The following ROBO2 variants were observed in gnomAD, a reference collection of about 807,000 sequenced individuals.
The protein encoded by ROBO2 is roundabout guidance receptor 2.
Under a neutral mutation model 160.8 loss-of-function variants are expected in ROBO2, and 53 were observed. The ratio of observed to expected loss-of-function variants is 0.33; its 90% CI spans 0.26 to 0.41. The LOEUF (loss-of-function observed/expected upper bound fraction) is 0.41, where lower values mean the gene tolerates loss of function less well. ROBO2 is among the 10% of genes least tolerant of loss of function. The pLI, the probability that ROBO2 is intolerant of heterozygous loss-of-function variation, is 1.00. For missense variants in ROBO2, 1,577 were observed against 1,722.4 expected, an observed-to-expected ratio of 0.92 and a Z score of 1.49; for synonymous variants, 664 against 611.7, an observed-to-expected ratio of 1.09 and a Z score of -1.26.
chr3:76,444,304 G>C (rs1577230216), intron 2 of ROBO2, among the ~76,000 whole-genome samples: 1 of 152,046 alleles, frequency 6.6e-6, no homozygotes, highest in Non-Finnish European at 1.5e-5. Context: ...ATAATTATAT[G>C]TATATTTGAA....
At chr3:76,872,025 G>A (rs779228820) in intron 2 of ROBO2, among the ~76,000 whole-genome samples, 1 of 151,858 alleles carries the variant, frequency 6.6e-6, no homozygotes, top group Non-Finnish European at 1.5e-5. Flanking sequence ...AACACCTGGA[G>A]ATTTGTCATA....
intron 2 of ROBO2, among the ~76,000 whole-genome samples, chr3:76,037,246 A>G (rs1464901354): frequency 6.6e-6 from 1 of 150,494 alleles, no homozygotes; most frequent in South Asian, 2.1e-4. Context: ...AAATGCATGT[A>G]CATTTTCTTT....
chr3:77,452,451 C>A (rs187053810), intron 2 of ROBO2, among the ~76,000 whole-genome samples: 1 of 152,126 alleles, frequency 6.6e-6, no homozygotes, highest in Non-Finnish European at 1.5e-5. Flanking sequence ...ATAGTGAATA[C>A]GAAAAGCATG....
intron 1 of ROBO2, among the ~76,000 whole-genome samples, chr3:75,911,643 C>T (rs1200470335): frequency 1.4e-5 from 2 of 147,638 alleles, no homozygotes; most frequent in African/African-American, 2.5e-5. Context: ...CTGCAAGCTC[C>T]GCCTCCCGGG....
chr3:76,093,757 G>T (rs1295697568), intron 2 of ROBO2, among the ~76,000 whole-genome samples: 1 of 151,932 alleles, frequency 6.6e-6, no homozygotes, highest in African/African-American at 2.4e-5. Flanking sequence ...TTATATCAGA[G>T]AAATAAGCCA....
At position 76,697,895 on chromosome 3, in the gene ROBO2, ATAG is replaced by A. The variant is rs1219792599; in HGVS notation, c.110-400116_110-400114del. ...TCTACAGAGAGCAGGTGGCATTTGA[ATAG>A]TATCTTAAAAAATTTGGAAGAATTG... On this transcript the variant is annotated intron_variant, in intron 2 of 26. Coordinates refer to the ROBO2 transcript ENST00000487694. Among the ~76,000 whole-genome samples the A allele has an allele frequency of 5.3e-5, 8 of 152,310 alleles. No homozygotes were observed. In the East Asian group the frequency reaches 1.5e-3, roughly 29 times the overall value.
At chr3:77,604,523 G>A (rs1000088834) in intron 20 of ROBO2, among the ~76,000 whole-genome samples, 1 of 152,032 alleles carries the variant, frequency 6.6e-6, no homozygotes, top group African/African-American at 2.4e-5. Flanking sequence ...ATAGTACTTA[G>A]TGCTTTTTTG....
At chr3:76,470,769 C>T (rs1193951015) in intron 2 of ROBO2, among the ~76,000 whole-genome samples, 2 of 151,974 alleles carry the variant, frequency 1.3e-5, no homozygotes, top group Admixed American at 1.3e-4. Context: ...CTTTTGGGGG[C>T]CATCTTTGGA....
At chr3:77,501,528 G>T (rs2087607289) in intron 5 of ROBO2, among the ~76,000 whole-genome samples, 1 of 152,144 alleles carries the variant, frequency 6.6e-6, no homozygotes, top group Admixed American at 6.5e-5. Flanking sequence ...TCCCAGCTCT[G>T]CCATAATTCA....
chr3:76,505,894 T>C (rs2080768835), intron 2 of ROBO2, among the ~76,000 whole-genome samples: 1 of 152,108 alleles, frequency 6.6e-6, no homozygotes, highest in Non-Finnish European at 1.5e-5. Flanking sequence ...TTCAGTCCAG[T>C]GAAAGTAAAT....
Position 76,704,832 on chromosome 3 carries a change from C to T in ROBO2, c.110-393182C>T, listed in dbSNP as rs1055209378. ...AGAAGACTCAAGACAAAAACCAGTTCAGCACTACCCTCCTATCTTGGCATA... is the reference window on the plus strand; with the variant it reads ...AGAAGACTCAAGACAAAAACCAGTTTAGCACTACCCTCCTATCTTGGCATA... On this transcript the variant is annotated intron_variant, in intron 2 of 26. Coordinates refer to the ROBO2 transcript ENST00000487694. Among the ~76,000 whole-genome samples the T allele has an allele frequency of 5.3e-5, 8 of 152,154 alleles. No individual in the cohort carries two copies. The South Asian group carries it at 1.2e-3, about 24-fold the overall frequency.
At chr3:76,218,996 A>G (rs1703763991) in intron 2 of ROBO2, among the ~76,000 whole-genome samples, 1 of 152,210 alleles carries the variant, frequency 6.6e-6, no homozygotes, top group African/African-American at 2.4e-5. Context: ...CAGAGCCCTC[A>G]GAAGTAATGC....
chr3:76,480,980 G>C (rs1298074377), intron 2 of ROBO2, among the ~76,000 whole-genome samples: 1 of 152,134 alleles, frequency 6.6e-6, no homozygotes, highest in Non-Finnish European at 1.5e-5. Context: ...AGATTGTATG[G>C]AGTTATTAAA....
At chr3:76,447,745 A>T (rs1220066820) in intron 2 of ROBO2, among the ~76,000 whole-genome samples, 4 of 151,784 alleles carry the variant, frequency 2.6e-5, no homozygotes, top group East Asian at 1.9e-4. Flanking sequence ...CTTTGTAGGG[A>T]CATGGATGAA....
At chr3:77,236,150 G>A (rs991842749) in intron 2 of ROBO2, among the ~76,000 whole-genome samples, 7 of 152,172 alleles carry the variant, frequency 4.6e-5, no homozygotes, top group African/African-American at 7.2e-5. Flanking sequence ...CCTGTAAGAC[G>A]TACATTGGCA....
rs2088684860 is a variant in ROBO2 at position 76,617,485 on chromosome 3, G to A, written c.110-480529G>A. On this transcript the variant is annotated intron_variant, in intron 2 of 26. Transcript: ENST00000487694. ...ATAGATTGGTTTTATTGTTGTTACT[G>A]TTACAATGGTATTAAGAGATAGTTC... Among the ~76,000 whole-genome samples, 3 of 152,192 alleles carry A rather than the reference G, an allele frequency of 2.0e-5. No individual in the cohort carries two copies. In the South Asian group the frequency reaches 6.2e-4, roughly 32 times the overall value.
intron 2 of ROBO2, among the ~76,000 whole-genome samples, chr3:76,105,929 T>C (rs1453850523): frequency 6.6e-6 from 1 of 152,146 alleles, no homozygotes; most frequent in African/African-American, 2.4e-5. Context: ...AAGGAAAAGT[T>C]ATTTCATAAT....
chr3:77,101,037 G>C (rs1392833826), intron 2 of ROBO2, among the ~76,000 whole-genome samples: 1 of 152,172 alleles, frequency 6.6e-6, no homozygotes, highest in Non-Finnish European at 1.5e-5. Context: ...AGGTAGGCAT[G>C]TGCTGAATAA....
chr3:77,468,952 T>G (rs1421998139), intron 2 of ROBO2, among the ~76,000 whole-genome samples: 2 of 152,130 alleles, frequency 1.3e-5, no homozygotes, highest in East Asian at 3.9e-4. Context: ...TCCCCTTCTG[T>G]GCAGAAGAAA....
Sources: gnomAD v4.1 joint callset for allele counts (sites outside exome capture counted in the v4.1 genomes callset) on GRCh38, gnomAD v4.1.1 for gene constraint, MANE v1.5 for transcripts, NCBI Gene and HGNC (gene_info 2026-07-23, HGNC 2026-07-21) for gene names.